UPF1: variants seen among roughly 807,000 people sequenced by gnomAD.
UPF1 encodes the protein UPF1 RNA helicase and ATPase.
Under a neutral mutation model 129.2 loss-of-function variants are expected in UPF1, and 9 were observed. The observed-to-expected ratio is 0.07, with a 90% CI of 0.04 to 0.12. UPF1 has a LOEUF of 0.12. Ranked by LOEUF, UPF1 falls within the 10% of genes least tolerant of loss-of-function variation. The pLI, the probability that UPF1 is intolerant of heterozygous loss-of-function variation, is 1.00. For synonymous variants in UPF1, 649 were observed against 644.9 expected, an observed-to-expected ratio of 1.01 and a Z score of -0.10; for missense variants, 788 against 1,525.3, an observed-to-expected ratio of 0.52 and a Z score of 8.05.
chr19:18,837,465 C>G (rs1289231751), intron 1 of UPF1, among the ~76,000 whole-genome samples: 1 of 152,206 alleles, frequency 6.6e-6, no homozygotes, highest in African/African-American at 2.4e-5. Flanking sequence ...CGCAGGGCTG[C>G]GCCAAATGCT....
Position 18,845,909 on chromosome 19 carries a change from C to T in UPF1, c.232-71C>T, listed in dbSNP as rs531681276. On this transcript the variant is annotated intron_variant, in intron 1 of 23. Coordinates refer to ENST00000262803, the MANE Select transcript of UPF1 (RefSeq NM_002911.4). ...GGCCAGGGTGTCACACCAGAGTCAT[C>T]GAGGCTGGTTCTTCTGCACTGAGTC... is the stretch of plus-strand genomic sequence containing the variant. The T allele has an allele frequency of 5.8e-5, 90 of 1,561,076 alleles. No homozygotes were observed. The South Asian group carries it at 9.1e-4, about 16-fold the overall frequency.
At chr19:18,852,015 C>T (rs1329005161) in intron 5 of UPF1, 120 bp from the exon 6 acceptor site, 1 of 1,370,336 alleles carries the variant, frequency 7.3e-7, no homozygotes, top group Non-Finnish European at 9.6e-7. Context: ...CCATGCCACC[C>T]ACCGTGGCCC....
rs1468790267 is a variant in UPF1 at position 18,852,848 on chromosome 19, C to T, written c.973-139C>T. On this transcript the variant is annotated intron_variant, in intron 6 of 23. Transcript: ENST00000262803. ...GATGTGCCCTTGGTGGCATTTGGGGCTGCAGGTGCCACTCACGGCGCCTGC... is the reference window on the plus strand; with the variant it reads ...GATGTGCCCTTGGTGGCATTTGGGGTTGCAGGTGCCACTCACGGCGCCTGC... 4 of 693,684 alleles carry T rather than the reference C, an allele frequency of 5.8e-6. No homozygotes were observed. In the African/African-American group the frequency reaches 7.2e-5, roughly 12 times the overall value. 43.0% of individuals were successfully genotyped at this position (693,684 alleles called of 1,614,324 possible).
intron 1 of UPF1, among the ~76,000 whole-genome samples, chr19:18,843,817 C>G (rs866740167): frequency 1.7e-4 from 26 of 152,020 alleles, no homozygotes; most frequent in Middle Eastern, 3.4e-3. Flanking sequence ...ACCATCATAG[C>G]TCACAGCGGC....
intron 3 of UPF1, chr19:18,848,426 C>G (rs933760229): frequency 6.5e-6 from 1 of 154,410 alleles, no homozygotes; most frequent in African/African-American, 2.4e-5. Flanking sequence ...TGGTGGGACT[C>G]TCGTCCTGGT....
At chr19:18,856,570 G>A (rs2055720681) in intron 13 of UPF1, among the ~76,000 whole-genome samples, 1 of 152,182 alleles carries the variant, frequency 6.6e-6, no homozygotes, top group African/African-American at 2.4e-5. Flanking sequence ...TAACCAACCA[G>A]CCTGAACTGG....
At chr19:18,855,068 C>T (rs762715139) in intron 10 of UPF1, 30 bp downstream of exon 10, 15 of 1,612,866 alleles carry the variant, frequency 9.3e-6, no homozygotes, top group Admixed American at 1.7e-5. Context: ...CGCGGGGCCT[C>T]GCCCATGGGC....
chr19:18,842,928 G>A (rs546071331), intron 1 of UPF1, among the ~76,000 whole-genome samples: 1 of 151,982 alleles, frequency 6.6e-6, no homozygotes, highest in African/African-American at 2.4e-5. Context: ...CAGAGGTTGC[G>A]GTGAGCCGAG....
chr19:18,842,423 A>G (rs1484224012), intron 1 of UPF1, among the ~76,000 whole-genome samples: 1 of 152,036 alleles, frequency 6.6e-6, no homozygotes, highest in Non-Finnish European at 1.5e-5. Flanking sequence ...TCAGGAAGAG[A>G]TAAGTGTGTG....
chr19:18,858,924 C>T (rs1347575691), intron 15 of UPF1, among the ~76,000 whole-genome samples: 1 of 152,142 alleles, frequency 6.6e-6, no homozygotes, highest in Non-Finnish European at 1.5e-5. Context: ...GTAAAGGGTC[C>T]TGAAAGCTGC....
rs1239343222 is a variant in UPF1 at position 18,864,064 on chromosome 19, C to CCA, written c.2776-106_2776-105insCA. ...CCAGGGAGAGCCCCTGGCACAGTGT[C>CCA]AACACCTCACAGCTGCATACCTGCC... is the stretch of plus-strand genomic sequence containing the variant. On this transcript the variant is annotated intron_variant, in intron 19 of 23. Transcript: ENST00000262803. 27 of 984,648 alleles carry CCA rather than the reference C, an allele frequency of 2.7e-5. No homozygotes were observed. The East Asian group carries it at 6.3e-4, about 23-fold the overall frequency. The allele number at this position is 984,648 out of a possible 1,614,324, so 61.0% of individuals were successfully genotyped here. A position where few individuals can be genotyped will look rare whatever the true frequency, so the allele number is the denominator to read the frequency against.
intron 23 of UPF1, 32 bp downstream of exon 23, chr19:18,866,198 C>G: frequency 6.5e-7 from 1 of 1,538,326 alleles, no homozygotes; most frequent in South Asian, 1.2e-5. Flanking sequence ...CTGGCCCCAC[C>G]CCAGCCTCAA....
At position 18,860,961 on chromosome 19, in the gene UPF1, C is replaced by G. The variant is rs2055772246; in HGVS notation, c.2436C>G (p.Ser812=). 1.3e-6 allele frequency: 2 copies of G among 1,585,264 alleles called. No individual in the cohort carries two copies. Among genetic ancestry groups the G allele is most frequent in the Non-Finnish European group, 1.7e-6 (2 of 1,166,740 alleles). The part of the protein sequence containing the change: ...YLVQYMQFSG[S]LHTKLYQEVE... Reference sequence around the variant, plus strand: ...TGCAGTACATGCAGTTCAGCGGCTCCCTGCACACCAAGCTCTACCAGGTGC... The same window carrying G: ...TGCAGTACATGCAGTTCAGCGGCTCGCTGCACACCAAGCTCTACCAGGTGC... Residue 812 remains serine (S), a synonymous_variant, in exon 17 of 24, where the codon TCC becomes TCG. Coordinates refer to ENST00000262803, the MANE Select transcript of UPF1 (RefSeq NM_002911.4).
rs926965359 is a variant in UPF1, at chr19:18,867,130, A to C, written c.*613A>C. The C allele has an allele frequency of 1.3e-5, 2 of 152,542 alleles. No individual in the cohort carries two copies. The highest frequency in any genetic ancestry group is 2.4e-5 in the African/African-American group (1 of 41,458). The allele number at this position is 152,542 out of a possible 1,614,324, so 9.4% of individuals were successfully genotyped here. On this transcript the variant is annotated 3_prime_UTR_variant, in exon 24 of 24. Coordinates refer to ENST00000262803, the MANE Select transcript of UPF1 (RefSeq NM_002911.4). ...AGAATACTTTCCTAAGTTTGTCTGT[A>C]AAATCTTAGCGGTGGACCTGGGAGA...
chr19:18,845,724 G>A (rs995129122), intron 1 of UPF1, among the ~76,000 whole-genome samples: 1 of 152,114 alleles, frequency 6.6e-6, no homozygotes, highest in Non-Finnish European at 1.5e-5. Flanking sequence ...CCTGGTTGTG[G>A]GCATGGACAT....
chr19:18,857,769 TCATC>T (rs1356909950), intron 15 of UPF1, among the ~76,000 whole-genome samples: 1 of 152,216 alleles, frequency 6.6e-6, no homozygotes, highest in East Asian at 1.9e-4. Context: ...GCCTGAGAAT[TCATC>T]CAAGCCTCAT....
Position 18,832,377 on chromosome 19 carries a change from TGGCGGCGCGGGAGGCCCG to T in UPF1, c.180_197del (p.Gly61_Gly66del), listed in dbSNP as rs892784557. ...CCGGCGGCCCCGGCGGCCCGGGCGG[TGGCGGCGCGGGAGGCCCG>T]GGCGGCGCGGGCGCGGGCGCTGCGG... On this transcript the variant is annotated inframe_deletion, in exon 1 of 24. Transcript: ENST00000262803. The surrounding 1 kb of genome is among the most constrained non-coding windows in gnomAD (Gnocchi z 5.6). 7.3e-6 allele frequency: 9 copies of T among 1,227,580 alleles called. No individual in the cohort carries two copies. Among genetic ancestry groups the T allele is most frequent in the Non-Finnish European group, 9.3e-6 (9 of 966,218 alleles). 76.0% of individuals were successfully genotyped at this position (1,227,580 alleles called of 1,614,324 possible).
chr19:18,846,410 C>G (rs1221829736), intron 2 of UPF1, among the ~76,000 whole-genome samples: 1 of 152,048 alleles, frequency 6.6e-6, no homozygotes, highest in Admixed American at 6.5e-5. Flanking sequence ...TACCTGCGCA[C>G]TCACTCATAG....
chr19:18,860,904 C>A lies in UPF1; in HGVS notation c.2379C>A (p.Ile793=). ...CCAAGCCGGACCAGATTGGCATCAT[C>A]ACGCCCTACGAGGGCCAGCGCTCCT... ...AGAKPDQIGI[I]TPYEGQRSYL... Residue 793 remains isoleucine, a synonymous_variant, in exon 17 of 24, where the codon ATC becomes ATA. Transcript: ENST00000262803. The A allele has an allele frequency of 6.2e-7, 1 of 1,605,706 alleles. No homozygotes were observed. The highest frequency in any genetic ancestry group is 8.5e-7 in the Non-Finnish European group (1 of 1,176,454).
Sources: allele counts gnomAD v4.1 joint callset (sites outside exome capture counted in the v4.1 genomes callset), GRCh38; gene constraint gnomAD v4.1.1; non-coding constraint Gnocchi (gnomAD v3.1); transcripts MANE v1.5; gene names NCBI Gene and HGNC (gene_info 2026-07-23, HGNC 2026-07-21).